ADGRB3: variants seen among roughly 807,000 people sequenced by gnomAD.
ADGRB3 encodes the protein brain-specific angiogenesis inhibitor 3.
A neutral mutation model predicts 193.4 loss-of-function variants in ADGRB3; 37 were observed. The ratio of observed to expected loss-of-function variants is 0.19; its 90% CI spans 0.15 to 0.25. The LOEUF is 0.25. Among genes scored for constraint, ADGRB3 ranks in the 10% least tolerant of loss-of-function variants. ADGRB3 has a pLI of 1.00. For synonymous variants in ADGRB3, 690 were observed against 644.2 expected, an observed-to-expected ratio of 1.07 and a Z score of -1.08; for missense variants, 1,637 against 1,852.9, an observed-to-expected ratio of 0.88 and a Z score of 2.14.
intron 3 of ADGRB3, among the ~76,000 whole-genome samples, chr6:68,851,837 T>C (rs1768408932): frequency 6.6e-6 from 1 of 152,002 alleles, no homozygotes; most frequent in Non-Finnish European, 1.5e-5. Flanking sequence ...AAATGACTTT[T>C]GGAAAGTTTC....
At chr6:68,916,132 T>C (rs1766871305) in intron 3 of ADGRB3, among the ~76,000 whole-genome samples, 1 of 151,856 alleles carries the variant, frequency 6.6e-6, no homozygotes, top group African/African-American at 2.4e-5. Context: ...TCCTAAGGAG[T>C]TGAAATCATT....
chr6:69,379,542 C>A (rs1215763392), intron 30 of ADGRB3, among the ~76,000 whole-genome samples: 1 of 151,966 alleles, frequency 6.6e-6, no homozygotes, highest in Non-Finnish European at 1.5e-5. Flanking sequence ...TAAGTTGTTG[C>A]CCCAGAATAT....
chr6:68,792,558 T>A (rs567229017), intron 3 of ADGRB3, among the ~76,000 whole-genome samples: 1 of 152,308 alleles, frequency 6.6e-6, no homozygotes, highest in African/African-American at 2.4e-5. Flanking sequence ...TCCTTCATGT[T>A]GGTATTTGTG....
At chr6:69,164,651 A>T (rs1775085745) in intron 17 of ADGRB3, among the ~76,000 whole-genome samples, 1 of 152,110 alleles carries the variant, frequency 6.6e-6, no homozygotes, top group Admixed American at 6.6e-5. Flanking sequence ...ATAAGAGGCC[A>T]CCAGGCAAGG....
intron 3 of ADGRB3, among the ~76,000 whole-genome samples, chr6:68,799,869 G>T (rs930906619): frequency 6.6e-6 from 1 of 152,218 alleles, no homozygotes; most frequent in South Asian, 2.1e-4. Context: ...AAGGGCCAAA[G>T]TGTGAAAATA....
chr6:68,976,769 C>A (rs923583599), intron 10 of ADGRB3, among the ~76,000 whole-genome samples: 2 of 151,910 alleles, frequency 1.3e-5, no homozygotes, highest in African/African-American at 4.8e-5. Flanking sequence ...AGGGGTTGGT[C>A]TTGCAGGCTC....
In ADGRB3 at chr6:68,890,637, G is replaced by A. The variant is rs539411870; in HGVS notation, c.758-39922G>A. 7.9e-5 allele frequency among the ~76,000 whole-genome samples: 12 copies of A among 152,258 alleles called. 1 individual carries two copies. In the East Asian group the frequency reaches 1.7e-3, roughly 22 times the overall value. On this transcript the variant is annotated intron_variant, in intron 3 of 31. Transcript: ENST00000370598. ...TATTCTTGATCTTAGAGGTTAACAG[G>A]TACAAGACATTAATAAAATCTGTGA...
chr6:68,910,844 C>A (rs549406710), intron 3 of ADGRB3, among the ~76,000 whole-genome samples: 2 of 152,244 alleles, frequency 1.3e-5, no homozygotes, highest in African/African-American at 4.8e-5. Flanking sequence ...TAGCGTGATG[C>A]CTCCAGCTTT....
chr6:68,997,327 G>A (rs975835066), intron 11 of ADGRB3, among the ~76,000 whole-genome samples: 1 of 151,794 alleles, frequency 6.6e-6, no homozygotes, highest in Non-Finnish European at 1.5e-5. Context: ...ACTTTTGAAG[G>A]CCTTTAATAT....
At chr6:68,831,499 G>C (rs1452083219) in intron 3 of ADGRB3, among the ~76,000 whole-genome samples, 1 of 152,060 alleles carries the variant, frequency 6.6e-6, no homozygotes. Context: ...ATGAGATATA[G>C]AAGTCTGTTT....
intron 17 of ADGRB3, among the ~76,000 whole-genome samples, chr6:69,123,813 C>G (rs1465323227): frequency 6.6e-6 from 1 of 151,920 alleles, no homozygotes; most frequent in African/African-American, 2.4e-5. Context: ...TCAATGTGAC[C>G]ACAGAAGAGT....
chr6:68,812,194 T>C (rs1292478483), intron 3 of ADGRB3, among the ~76,000 whole-genome samples: 2 of 152,196 alleles, frequency 1.3e-5, no homozygotes, highest in African/African-American at 2.4e-5. Context: ...GAAGTGTATA[T>C]GTGGGTGTGA....
intron 3 of ADGRB3, among the ~76,000 whole-genome samples, chr6:68,872,821 CAT>C (rs1765498184): frequency 1.3e-5 from 2 of 152,090 alleles, no homozygotes; most frequent in African/African-American, 2.4e-5. Context: ...ACAGGAAAGA[CAT>C]AGTAGTTCTG....
intron 20 of ADGRB3, among the ~76,000 whole-genome samples, chr6:69,240,035 T>C (rs906728572): frequency 6.6e-6 from 1 of 152,034 alleles, no homozygotes; most frequent in Non-Finnish European, 1.5e-5. Flanking sequence ...AAGCGAATAA[T>C]TAAAAATTTT....
chr6:68,889,196 G>T (rs1259828256), intron 3 of ADGRB3, among the ~76,000 whole-genome samples: 1 of 152,120 alleles, frequency 6.6e-6, no homozygotes, highest in Non-Finnish European at 1.5e-5. Context: ...TTGTAACAAT[G>T]ACTAAACAAA....
chr6:68,851,316 C>T (rs576090515), intron 3 of ADGRB3, among the ~76,000 whole-genome samples: 2 of 151,720 alleles, frequency 1.3e-5, no homozygotes, highest in Non-Finnish European at 3.0e-5. Context: ...ATTATAGTAT[C>T]GTCTTTCCTT....
At chr6:69,223,652 CTT>C (rs554027181) in intron 17 of ADGRB3, among the ~76,000 whole-genome samples, 12,915 of 108,048 alleles carry the variant, frequency 0.12, 390 homozygotes, top group Non-Finnish European at 0.13. Flanking sequence ...CTCTCTCTCT[CTT>C]TTTTTTTTTT....
chr6:69,317,797 C>T (rs1768350532), intron 20 of ADGRB3, among the ~76,000 whole-genome samples: 1 of 151,268 alleles, frequency 6.6e-6, no homozygotes, highest in Non-Finnish European at 1.5e-5. Context: ...ATAATTTGGT[C>T]ATTTTAGTGT....
At chr6:69,057,034 A>C (rs1189524190) in intron 15 of ADGRB3, among the ~76,000 whole-genome samples, 2 of 152,114 alleles carry the variant, frequency 1.3e-5, no homozygotes, top group Non-Finnish European at 2.9e-5. Flanking sequence ...TAATTCATGG[A>C]CACAGGATTT....
Sources: gnomAD v4.1 joint callset for allele counts (sites outside exome capture counted in the v4.1 genomes callset) on GRCh38, gnomAD v4.1.1 for gene constraint, MANE v1.5 for transcripts, NCBI Gene and HGNC (gene_info 2026-07-23, HGNC 2026-07-21) for gene names.